MPPED2: variants seen among roughly 807,000 people sequenced by gnomAD.
MPPED2 encodes metallophosphoesterase domain containing 2.
MPPED2 carries 5 observed loss-of-function variants against 33.0 expected under a neutral mutation model. The ratio of observed to expected loss-of-function variants is 0.15; its 90% confidence interval spans 0.08 to 0.32. The LOEUF (loss-of-function observed/expected upper bound fraction) is 0.32, where lower values mean the gene tolerates loss of function less well. MPPED2 is among the 10% of genes least tolerant of loss of function. MPPED2 has a pLI of 1.00. For synonymous variants in MPPED2, 136 were observed against 141.9 expected (o/e 0.96, Z 0.29); for missense variants, 275 against 372.1 (o/e 0.74, Z 2.15).
At chr11:30,571,055 T>G (rs533287810) in intron 2 of MPPED2, among the ~76,000 whole-genome samples, 2 of 152,250 alleles carry the variant, frequency 1.3e-5, no homozygotes, top group South Asian at 4.1e-4. Context: ...GGAACTTCGG[T>G]AATGGTCTAA....
chr11:30,390,647 C>A (rs1413136744), intron 6 of MPPED2, among the ~76,000 whole-genome samples: 1 of 152,196 alleles, frequency 6.6e-6, no homozygotes, highest in Non-Finnish European at 1.5e-5. Flanking sequence ...TGCTGTGTAA[C>A]AAAGTACCCC....
chr11:30,483,177 A>AT (rs1263284763), intron 4 of MPPED2, among the ~76,000 whole-genome samples: 1 of 152,074 alleles, frequency 6.6e-6, no homozygotes, highest in Non-Finnish European at 1.5e-5. Context: ...TGGGTTTTCC[A>AT]TTTTTCTACT....
chr11:30,519,896 G>A (rs375100299), intron 3 of MPPED2, among the ~76,000 whole-genome samples: 5 of 152,230 alleles, frequency 3.3e-5, no homozygotes, highest in East Asian at 1.9e-4. Context: ...AGTCTCAAAC[G>A]ACTAGGGAAT....
At chr11:30,562,129 A>C (rs1956263837) in intron 2 of MPPED2, among the ~76,000 whole-genome samples, 1 of 152,196 alleles carries the variant, frequency 6.6e-6, no homozygotes, top group African/African-American at 2.4e-5. Context: ...AGTGGGCCAG[A>C]AACCACCTAA....
In MPPED2 at chr11:30,434,211, A is replaced by C. The variant is rs1050353555; in HGVS notation, c.537-16578T>G. On this transcript the variant is annotated intron_variant, in intron 4 of 6. Coordinates refer to ENST00000358117, the MANE Select transcript of MPPED2 (RefSeq NM_001584.3). ...ATATTTCTGGGATTAGGATGTGGAC[A>C]TCTTTAGGGCAGGGTCATTATGCTG... Among the ~76,000 whole-genome samples, 7 of 152,326 alleles carry C rather than the reference A, an allele frequency of 4.6e-5. No individual in the cohort carries two copies. In the South Asian group the frequency reaches 1.4e-3, roughly 32 times the overall value.
At position 30,504,873 on chromosome 11, in the gene MPPED2, G is replaced by A. The variant is rs938526072; in HGVS notation, c.311-9352C>T. ...ACACAGAAAACTATATTACAATAAT[G>A]TCAGGGCTGAGCCAGAAACCCAGGA... is the stretch of plus-strand genomic sequence containing the variant. On this transcript the variant is annotated intron_variant, in intron 3 of 6. Coordinates refer to ENST00000358117, the MANE Select transcript of MPPED2 (RefSeq NM_001584.3). 13 of 1,142,168 alleles carry A rather than the reference G, an allele frequency of 1.1e-5. No individual in the cohort carries two copies. The African/African-American group carries it at 1.9e-4, about 17-fold the overall frequency. The allele number at this position is 1,142,168 out of a possible 1,614,324, so 70.8% of individuals were successfully genotyped here. A position where few individuals can be genotyped will look rare whatever the true frequency, so the allele number is the denominator to read the frequency against.
chr11:30,417,718 C>T (rs568674908), intron 4 of MPPED2, 85 bp from the exon 5 acceptor site: 38 of 768,114 alleles, frequency 4.9e-5, no homozygotes, highest in South Asian at 4.6e-4. Context: ...CATTCCCCCA[C>T]GGTTTGCATT....
At chr11:30,439,746 T>C (rs1166727555) in intron 4 of MPPED2, among the ~76,000 whole-genome samples, 1 of 152,264 alleles carries the variant, frequency 6.6e-6, no homozygotes, top group East Asian at 1.9e-4. Context: ...ACATCCTATC[T>C]ACATTTATTT....
intron 2 of MPPED2, among the ~76,000 whole-genome samples, chr11:30,563,882 G>A (rs190143462): frequency 1.3e-5 from 2 of 152,268 alleles, no homozygotes; most frequent in East Asian, 3.9e-4. Flanking sequence ...TTATAGGAGC[G>A]AATGTACATG....
chr11:30,568,764 T>C (rs2134789389), intron 2 of MPPED2, among the ~76,000 whole-genome samples: 1 of 152,210 alleles, frequency 6.6e-6, no homozygotes, highest in Non-Finnish European at 1.5e-5. Flanking sequence ...TTCCCTCCAA[T>C]GGGGGGTACC....
At chr11:30,548,282 T>C (rs1955533565) in intron 2 of MPPED2, among the ~76,000 whole-genome samples, 1 of 152,054 alleles carries the variant, frequency 6.6e-6, no homozygotes, top group Non-Finnish European at 1.5e-5. Context: ...GGTGCGATCA[T>C]AGCTCACTGC....
At chr11:30,523,595 G>A (rs1953993393) in intron 3 of MPPED2, among the ~76,000 whole-genome samples, 2 of 151,752 alleles carry the variant, frequency 1.3e-5, no homozygotes, top group Admixed American at 1.3e-4. Flanking sequence ...GAAAAGAGGG[G>A]GCTGAAGCCC....
Position 30,586,031 on chromosome 11 carries a change from G to A in MPPED2, c.-122+11C>T, listed in dbSNP as rs1382372589. On this transcript the variant is annotated intron_variant, in intron 1 of 6. Transcript: ENST00000358117. This position sits in a 1 kb window ranked among gnomAD's most constrained non-coding sequence, Gnocchi z 4.8. ...CCCCCGCCCTCCGCCTCCCTTCCCGGGGCGGATTACCTTTCCCGGGCTGCG... is the reference window on the plus strand; with the variant it reads ...CCCCCGCCCTCCGCCTCCCTTCCCGAGGCGGATTACCTTTCCCGGGCTGCG... The A allele has an allele frequency of 1.3e-5, 2 of 152,402 alleles. No individual in the cohort carries two copies. The highest frequency in any genetic ancestry group is 2.9e-5 in the Non-Finnish European group (2 of 68,240). The allele number at this position is 152,402 out of a possible 1,614,324, so 9.4% of individuals were successfully genotyped here.
chr11:30,493,165 C>T (rs908282195), intron 4 of MPPED2, among the ~76,000 whole-genome samples: 1 of 151,924 alleles, frequency 6.6e-6, no homozygotes, highest in Non-Finnish European at 1.5e-5. Context: ...GGGCGGATCA[C>T]GAGGTCAGGA....
chr11:30,512,485 CA>C (rs980091404), intron 3 of MPPED2, among the ~76,000 whole-genome samples: 49 of 149,852 alleles, frequency 3.3e-4, no homozygotes, highest in Admixed American at 3.2e-3. Flanking sequence ...AACAAACAAA[CA>C]AAAAAACTGA....
intron 2 of MPPED2, among the ~76,000 whole-genome samples, chr11:30,578,077 T>C (rs902626247): frequency 6.7e-6 from 1 of 149,384 alleles, no homozygotes; most frequent in Non-Finnish European, 1.5e-5. Flanking sequence ...GTATAAAGTG[T>C]TGCCAAGTAA....
intron 4 of MPPED2, among the ~76,000 whole-genome samples, chr11:30,439,114 A>G (rs77127991): frequency 1.1e-4 from 16 of 152,336 alleles, no homozygotes; most frequent in Non-Finnish European, 2.2e-4. Context: ...AAAGGAATGG[A>G]GTCTAGTTAC....
At chr11:30,553,735 T>A (rs1404022397) in intron 2 of MPPED2, among the ~76,000 whole-genome samples, 1 of 152,170 alleles carries the variant, frequency 6.6e-6, no homozygotes, top group South Asian at 2.1e-4. Flanking sequence ...TCAAGCCACA[T>A]GCGGGAGGGA....
chr11:30,473,603 T>G (rs938011927), intron 4 of MPPED2, among the ~76,000 whole-genome samples: 1 of 151,962 alleles, frequency 6.6e-6, no homozygotes, highest in Admixed American at 6.6e-5. Context: ...CTCCCTTGGG[T>G]GTGGATATGA....
Sources: gnomAD v4.1 joint callset for allele counts (sites outside exome capture counted in the v4.1 genomes callset) on GRCh38, gnomAD v4.1.1 for gene constraint, Gnocchi (gnomAD v3.1) non-coding constraint, MANE v1.5 for transcripts, NCBI Gene and HGNC (gene_info 2026-07-23, HGNC 2026-07-21) for gene names.